LAPTM5: variants seen among roughly 807,000 people sequenced by gnomAD.
LAPTM5 encodes the protein lysosomal protein transmembrane 5, also known as lysosomal-associated transmembrane protein 5.
In LAPTM5, 11 loss-of-function variants were observed where a neutral mutation model predicts 30.1. The ratio of observed to expected loss-of-function variants is 0.37; its 90% CI spans 0.23 to 0.60. LAPTM5 has a LOEUF of 0.60. LAPTM5 is among the 20% of genes least tolerant of loss of function. The pLI, the probability that LAPTM5 is intolerant of heterozygous loss-of-function variation, is 0.71. For synonymous variants in LAPTM5, 151 were observed against 137.9 expected, an observed-to-expected ratio of 1.10 and a Z score of -0.67; for missense variants, 324 against 332.5, an observed-to-expected ratio of 0.97 and a Z score of 0.20.
At chr1:30,748,915 AT>A (rs775833462) in intron 1 of LAPTM5, among the ~76,000 whole-genome samples, 1 of 152,154 alleles carries the variant, frequency 6.6e-6, no homozygotes, top group African/African-American at 2.4e-5. Context: ...ACATTTCCTC[AT>A]CTGTAGAAGG....
Position 30,732,469 on chromosome 1 carries a change from G to A in LAPTM5, c.*1359C>T, listed in dbSNP as rs564458693. 2 of 150,146 alleles carry A rather than the reference G, an allele frequency of 1.3e-5. No individual in the cohort carries two copies. The highest frequency in any genetic ancestry group is 6.6e-5 in the Admixed American group (1 of 15,168). The allele number at this position is 150,146 out of a possible 1,614,324, so 9.3% of individuals were successfully genotyped here. The stretch of plus-strand genomic sequence containing the variant: ...TTTCCAGAAACACATCAGCCAGACA[G>A]AAGCTTGTTGCTGCTTTATTGAAAC... On this transcript the variant is annotated 3_prime_UTR_variant, in exon 8 of 8. Coordinates refer to ENST00000294507, the MANE Select transcript of LAPTM5 (RefSeq NM_006762.3).
chr1:30,734,753 T>C (rs960140669), intron 7 of LAPTM5, among the ~76,000 whole-genome samples: 2 of 152,224 alleles, frequency 1.3e-5, no homozygotes, highest in Non-Finnish European at 2.9e-5. Context: ...AGCTATCTCA[T>C]ATCCATTGAC....
At chr1:30,757,557 A>C (rs1640229326) in intron 1 of LAPTM5, 102 bp downstream of exon 1, 1 of 1,194,164 alleles carries the variant, frequency 8.4e-7, no homozygotes, top group African/African-American at 1.5e-5. Flanking sequence ...GGTGGAGAGC[A>C]GGAGTTCTTT....
intron 1 of LAPTM5, among the ~76,000 whole-genome samples, chr1:30,755,866 A>G (rs775490583): frequency 2.6e-5 from 4 of 152,158 alleles, no homozygotes; most frequent in Non-Finnish European, 4.4e-5. Context: ...AGGGCCCACA[A>G]TCCTTCGTGG....
chr1:30,757,602 A>T (rs2124206672), intron 1 of LAPTM5, 57 bp downstream of exon 1: 1 of 1,556,098 alleles, frequency 6.4e-7, no homozygotes, highest in African/African-American at 1.3e-5. Context: ...GGGTCACCGC[A>T]GACATTCACA....
intron 3 of LAPTM5, among the ~76,000 whole-genome samples, chr1:30,740,399 T>TTCCCCCCCCCCCCCCCCCCCCCCCCCC (rs1639951539): frequency 9.7e-6 from 1 of 103,194 alleles, no homozygotes; most frequent in Non-Finnish European, 2.0e-5. Context: ...AGAGAGCCCC[T>TTCCCCCCCCCCCCCCCCCCCCCCCCCC]CCCCCCCACC....
In LAPTM5 at chr1:30,742,523, C is replaced by T; in HGVS notation, c.114G>A (p.Glu38=). ...HVIMSVLLFI[E]HSVEVAHGKA... ...TGCCATGGGCCACCTCTACTGAGTGCTCGATGAACAACAAGACGCTCATGA... is the reference window on the plus strand; with the variant it reads ...TGCCATGGGCCACCTCTACTGAGTGTTCGATGAACAACAAGACGCTCATGA... Residue 38 remains glutamate, a synonymous_variant, in exon 2 of 8, where the codon GAG becomes GAA. Coordinates refer to ENST00000294507, the MANE Select transcript of LAPTM5 (RefSeq NM_006762.3). The T allele has an allele frequency of 6.2e-7, 1 of 1,613,642 alleles. No homozygotes were observed. Among genetic ancestry groups the T allele is most frequent in the Non-Finnish European group, 8.5e-7 (1 of 1,179,890 alleles).
chr1:30,742,629 A>G (rs1267948009), intron 1 of LAPTM5, 80 bp from the exon 2 acceptor site: 10 of 1,150,176 alleles, frequency 8.7e-6, no homozygotes, highest in Non-Finnish European at 1.3e-5. Context: ...AGTGGTGTAC[A>G]GCAGGGAAGC....
intron 1 of LAPTM5, among the ~76,000 whole-genome samples, chr1:30,755,159 C>T (rs763855729): frequency 3.3e-5 from 5 of 152,078 alleles, no homozygotes; most frequent in African/African-American, 1.2e-4. Context: ...TGCTCTAGAA[C>T]GTCTCATCAC....
intron 1 of LAPTM5, among the ~76,000 whole-genome samples, chr1:30,749,096 A>G (rs1260811465): frequency 6.6e-6 from 1 of 152,200 alleles, no homozygotes; most frequent in African/African-American, 2.4e-5. Flanking sequence ...GAATCAATCC[A>G]AATGTTATTT....
chr1:30,738,005 C>T (rs1623695), intron 5 of LAPTM5, among the ~76,000 whole-genome samples: 32,136 of 152,108 alleles, frequency 0.21, 3,585 homozygotes, highest in Admixed American at 0.28. Flanking sequence ...ATGCTCTTCT[C>T]TACAAGATCA....
At chr1:30,740,347 T>A (rs1026289203) in intron 3 of LAPTM5, among the ~76,000 whole-genome samples, 2 of 151,908 alleles carry the variant, frequency 1.3e-5, no homozygotes, top group African/African-American at 4.8e-5. Context: ...GGCGGGGCAC[T>A]GGAGGCAGAA....
chr1:30,747,108 G>GGGC (rs2124191327), intron 1 of LAPTM5, among the ~76,000 whole-genome samples: 1 of 152,304 alleles, frequency 6.6e-6, no homozygotes, highest in East Asian at 1.9e-4. Context: ...GAGGGAGAGC[G>GGGC]CATTGCTGTC....
At chr1:30,757,558 G>T in intron 1 of LAPTM5, 101 bp downstream of exon 1, 2 of 1,214,132 alleles carry the variant, frequency 1.6e-6, no homozygotes, top group South Asian at 1.3e-5. Flanking sequence ...GTGGAGAGCA[G>T]GAGTTCTTTC....
chr1:30,748,038 C>T (rs1223730300), intron 1 of LAPTM5, among the ~76,000 whole-genome samples: 2 of 152,074 alleles, frequency 1.3e-5, no homozygotes, highest in Non-Finnish European at 2.9e-5. Context: ...AGACCAGTCC[C>T]TTCTGCAGGA....
Position 30,746,846 on chromosome 1 carries a change from A to G in LAPTM5, c.88-4297T>C, listed in dbSNP as rs915890417. Among the ~76,000 whole-genome samples the G allele has an allele frequency of 6.6e-6, 1 of 152,182 alleles. No individual in the cohort carries two copies. Among genetic ancestry groups the G allele is most frequent in the Non-Finnish European group, 1.5e-5 (1 of 68,026 alleles). On this transcript the variant is annotated intron_variant, in intron 1 of 7. Coordinates refer to ENST00000294507, the MANE Select transcript of LAPTM5 (RefSeq NM_006762.3). The surrounding 1 kb of genome is among the most constrained non-coding windows in gnomAD (Gnocchi z 4.0). Reference sequence around the variant, plus strand: ...CACAGGATTGCTGAGGTCAAATGGAATCGTGTGGTGCGCGGAGCCGGGCAC... The same window carrying G: ...CACAGGATTGCTGAGGTCAAATGGAGTCGTGTGGTGCGCGGAGCCGGGCAC...
intron 6 of LAPTM5, among the ~76,000 whole-genome samples, chr1:30,736,676 TCCTCCCAATTCAG>T (rs1639889349): frequency 1.3e-5 from 2 of 152,156 alleles, no homozygotes; most frequent in East Asian, 1.9e-4. Flanking sequence ...CCTCAAGCAA[TCCTCCCAATTCAG>T]CCTCCCAAAG....
chr1:30,740,015 C>A, intron 3 of LAPTM5, 78 bp from the exon 4 acceptor site: 1 of 1,446,264 alleles, frequency 6.9e-7, no homozygotes, highest in Non-Finnish European at 9.2e-7. Context: ...TATCCTCATG[C>A]ATCCCCTTCC....
chr1:30,751,094 A>G (rs16834049), intron 1 of LAPTM5, among the ~76,000 whole-genome samples: 2,369 of 152,390 alleles, frequency 0.016, 65 homozygotes, highest in African/African-American at 0.053. Flanking sequence ...CCTCGGGGCC[A>G]GGTTGGCAAC....
Sources: allele counts gnomAD v4.1 joint callset (sites outside exome capture counted in the v4.1 genomes callset), GRCh38; gene constraint gnomAD v4.1.1; non-coding constraint Gnocchi (gnomAD v3.1); transcripts MANE v1.5; gene names NCBI Gene and HGNC (gene_info 2026-07-23, HGNC 2026-07-21).